The following BEGAIN variants were observed in gnomAD, a reference collection of about 807,000 sequenced individuals.
The protein encoded by BEGAIN is brain enriched guanylate kinase associated.
In BEGAIN, 19 loss-of-function variants were observed where a neutral mutation model predicts 35.8. The observed-to-expected ratio is 0.53, with a 90% CI of 0.37 to 0.78. The LOEUF is 0.78. Among genes scored for constraint, BEGAIN ranks in the 30% least tolerant of loss-of-function variants. BEGAIN has a pLI of 0.00. For synonymous variants in BEGAIN, 462 were observed against 388.6 expected, an observed-to-expected ratio of 1.19 and a Z score of -2.22; for missense variants, 795 against 853.6, an observed-to-expected ratio of 0.93 and a Z score of 0.85.
At position 100,538,191 on chromosome 14, in the gene BEGAIN, G is replaced by T. The variant is rs757465916; in HGVS notation, c.1617C>A (p.Asp539Glu). 6.5e-7 allele frequency: 1 copy of T among 1,547,300 alleles called. No homozygotes were observed. Among genetic ancestry groups the T allele is most frequent in the African/African-American group, 1.4e-5 (1 of 72,918 alleles). ...ACAGCTGCACCCCGAGCCTGTCCCC[G>T]TCCCCCCCCTCGCTGGGTGCATAGC... ...LPGYAPSEGG[D>E]GDRLGVQLCG... is the part of the protein sequence containing the mutation. Residue 539 changes from aspartate (D) to glutamate (E), a missense_variant, in exon 7 of 7, where the codon GAC becomes GAA. Coordinates refer to ENST00000554140, the MANE Select transcript of BEGAIN (RefSeq NM_001385089.1).
In BEGAIN at chr14:100,573,622, T is replaced by G. The variant is rs985366176; in HGVS notation, c.43-5683A>C. Among the ~76,000 whole-genome samples, 1 of 150,822 alleles carries G rather than the reference T, an allele frequency of 6.6e-6. No individual in the cohort carries two copies. The highest frequency in any genetic ancestry group is 2.4e-5 in the African/African-American group (1 of 40,916). ...TTCCCAGGCAGTCTAGAAGCAGACA[T>G]GGAAGGAAGAGAACCCCTGAGGTGA... On this transcript the variant is annotated intron_variant, in intron 1 of 6. Transcript: ENST00000554140. The surrounding 1 kb of genome is among the most constrained non-coding windows in gnomAD (Gnocchi z 4.2).
intron 2 of BEGAIN, 162 bp from the exon 3 acceptor site, chr14:100,546,824 C>T (rs1485070065): frequency 2.2e-5 from 12 of 554,646 alleles, no homozygotes; most frequent in Non-Finnish European, 3.1e-5. Context: ...TCACACACAC[C>T]CAGCCTCCCG....
chr14:100,559,830 C>T (rs1039890437), intron 2 of BEGAIN, among the ~76,000 whole-genome samples: 1 of 152,230 alleles, frequency 6.6e-6, no homozygotes, highest in Non-Finnish European at 1.5e-5. Context: ...CACTCACACT[C>T]AAGAGGCAAG....
chr14:100,565,000 G>A (rs950715479), intron 2 of BEGAIN, among the ~76,000 whole-genome samples: 5 of 152,134 alleles, frequency 3.3e-5, no homozygotes, highest in South Asian at 2.1e-4. Flanking sequence ...CCTGCTTCCC[G>A]GAAGCTCTTC....
rs2140419175 is a variant in BEGAIN, at chr14:100,538,173, C to T, written c.1635G>A (p.Val545=). ...GGCTGCTGGCGGTCCCACACAGCTGCACCCCGAGCCTGTCCCCGTCCCCCC... is the reference window on the plus strand; with the variant it reads ...GGCTGCTGGCGGTCCCACACAGCTGTACCCCGAGCCTGTCCCCGTCCCCCC... The part of the protein sequence containing the change: ...SEGGDGDRLG[V]QLCGTASSPE... Residue 545 remains valine, a synonymous_variant, in exon 7 of 7, where the codon GTG becomes GTA. Transcript: ENST00000554140. 6.5e-7 allele frequency: 1 copy of T among 1,531,148 alleles called. No individual in the cohort carries two copies. 94.8% of individuals were successfully genotyped at this position (1,531,148 alleles called of 1,614,324 possible). A position where few individuals can be genotyped will look rare whatever the true frequency, so the allele number is the denominator to read the frequency against.
intron 2 of BEGAIN, among the ~76,000 whole-genome samples, chr14:100,555,299 G>A (rs547207872): frequency 4.6e-5 from 7 of 152,346 alleles, no homozygotes; most frequent in Non-Finnish European, 8.8e-5. Flanking sequence ...GAATCGCCTC[G>A]CCTGGCGGAG....
At chr14:100,569,267 G>A (rs184926696) in intron 1 of BEGAIN, among the ~76,000 whole-genome samples, 2 of 152,170 alleles carry the variant, frequency 1.3e-5, no homozygotes, top group Non-Finnish European at 2.9e-5. Flanking sequence ...TCCCTAAGGC[G>A]CCCGGATGGC....
chr14:100,578,068 G>T, intron 1 of BEGAIN: 1 of 397,998 alleles, frequency 2.5e-6, no homozygotes, highest in East Asian at 3.6e-5. Flanking sequence ...GTCCTCACAG[G>T]CCAGGGCTGC....
Position 100,567,476 on chromosome 14 carries a change from G to C in BEGAIN, c.71+435C>G, listed in dbSNP as rs1246438771. On this transcript the variant is annotated intron_variant, in intron 2 of 6. Coordinates refer to ENST00000554140, the MANE Select transcript of BEGAIN (RefSeq NM_001385089.1). This position sits in a 1 kb window ranked among gnomAD's most constrained non-coding sequence, Gnocchi z 5.1. ...CTCAGAGCCAGGCAACTGGCAGCCCGGGGGCTGGGGCGGGTGGTGGTTGGG... is the reference window on the plus strand; with the variant it reads ...CTCAGAGCCAGGCAACTGGCAGCCCCGGGGCTGGGGCGGGTGGTGGTTGGG... Among the ~76,000 whole-genome samples, 1 of 152,034 alleles carries C rather than the reference G, an allele frequency of 6.6e-6. No individual in the cohort carries two copies. Among genetic ancestry groups the C allele is most frequent in the Admixed American group, 6.5e-5 (1 of 15,282 alleles).
At position 100,537,653 on chromosome 14, in the gene BEGAIN, T is replaced by G; in HGVS notation, c.*316A>C. 3.1e-6 allele frequency: 1 copy of G among 326,480 alleles called. No individual in the cohort carries two copies. Among genetic ancestry groups the G allele is most frequent in the African/African-American group, 2.2e-5 (1 of 46,440 alleles). 20.2% of individuals were successfully genotyped at this position (326,480 alleles called of 1,614,324 possible). ...TCCAGGGAGCTGGAGGCCAAGTGCGTTAAGAAAGACCCTTTTTCTCTATAA... is the reference window on the plus strand; with the variant it reads ...TCCAGGGAGCTGGAGGCCAAGTGCGGTAAGAAAGACCCTTTTTCTCTATAA... On this transcript the variant is annotated 3_prime_UTR_variant, in exon 7 of 7. Transcript: ENST00000554140.
Position 100,558,542 on chromosome 14 carries a change from C to T in BEGAIN, c.71+9369G>A, listed in dbSNP as rs910181695. Among the ~76,000 whole-genome samples, 19 of 152,192 alleles carry T rather than the reference C, an allele frequency of 1.2e-4. No individual in the cohort carries two copies. Among genetic ancestry groups the T allele is most frequent in the African/African-American group, 4.6e-4 (19 of 41,434 alleles). The stretch of plus-strand genomic sequence containing the variant: ...AATACCATCTCTCTGCTGAGGCCCC[C>T]ACATTGGCTGCTCCCCAACTCCATT... On this transcript the variant is annotated intron_variant, in intron 2 of 6. Coordinates refer to ENST00000554140, the MANE Select transcript of BEGAIN (RefSeq NM_001385089.1). The surrounding 1 kb of genome is among the most constrained non-coding windows in gnomAD (Gnocchi z 4.6).
chr14:100,545,705 C>T (rs1282906796), intron 3 of BEGAIN, among the ~76,000 whole-genome samples: 1 of 152,154 alleles, frequency 6.6e-6, no homozygotes, highest in Non-Finnish European at 1.5e-5. Context: ...AAAGCAGTAA[C>T]TGGCAGGGCC....
intron 2 of BEGAIN, among the ~76,000 whole-genome samples, chr14:100,559,223 G>A (rs1486857490): frequency 6.6e-6 from 1 of 152,022 alleles, no homozygotes; most frequent in Admixed American, 6.5e-5. Flanking sequence ...GAGGCTCCTG[G>A]GCACCCCTGC....
At chr14:100,544,045 G>T in intron 4 of BEGAIN, 80 bp from the exon 5 acceptor site, 1 of 1,051,002 alleles carries the variant, frequency 9.5e-7, no homozygotes, top group Non-Finnish European at 1.4e-6. Flanking sequence ...GCACCCCCTG[G>T]TTTGTCCCTT....
At chr14:100,571,404 C>T (rs1007806728) in intron 1 of BEGAIN, among the ~76,000 whole-genome samples, 4 of 152,102 alleles carry the variant, frequency 2.6e-5, no homozygotes, top group South Asian at 2.1e-4. Context: ...ATGGGAGGGC[C>T]GCCCGGGTCA....
chr14:100,540,608 C>T, intron 5 of BEGAIN, 29 bp from the exon 6 acceptor site: 1 of 1,549,874 alleles, frequency 6.5e-7, no homozygotes, highest in Non-Finnish European at 8.8e-7. Flanking sequence ...CGTTTGGCGC[C>T]ATTCACCCCA....
At chr14:100,587,030 C>T (rs1378878337) in intron 1 of BEGAIN, among the ~76,000 whole-genome samples, 2 of 151,732 alleles carry the variant, frequency 1.3e-5, no homozygotes, top group Non-Finnish European at 2.9e-5. Flanking sequence ...GGAGGCTGGG[C>T]ATCCCCGCCC....
At chr14:100,540,824 C>T (rs2031493993) in intron 5 of BEGAIN, among the ~76,000 whole-genome samples, 1 of 152,224 alleles carries the variant, frequency 6.6e-6, no homozygotes, top group African/African-American at 2.4e-5. Context: ...TAGCTGGTGC[C>T]CTTGAGCACT....
intron 1 of BEGAIN, among the ~76,000 whole-genome samples, chr14:100,570,350 A>G (rs2035039110): frequency 2.0e-5 from 3 of 152,284 alleles, no homozygotes; most frequent in Admixed American, 1.3e-4. Flanking sequence ...AGGGCAAGAG[A>G]CAGGCAGGGA....
Sources: allele counts gnomAD v4.1 joint callset (sites outside exome capture counted in the v4.1 genomes callset), GRCh38; gene constraint gnomAD v4.1.1; non-coding constraint Gnocchi (gnomAD v3.1); transcripts MANE v1.5; gene names NCBI Gene and HGNC (gene_info 2026-07-23, HGNC 2026-07-21).